CTNNA2: variants seen among roughly 807,000 people sequenced by gnomAD.
The protein encoded by CTNNA2 is catenin alpha-2.
CTNNA2 carries 42 observed loss-of-function variants against 101.0 expected under a neutral mutation model. The ratio of observed to expected loss-of-function variants is 0.42; its 90% CI spans 0.32 to 0.54. The LOEUF is 0.54. Among genes scored for constraint, CTNNA2 ranks in the 20% least tolerant of loss-of-function variants. CTNNA2 has a pLI of 0.14. For missense variants in CTNNA2, 871 were observed against 1,223.1 expected (o/e 0.71, Z 4.29); for synonymous variants, 450 against 456.4 (o/e 0.99, Z 0.18).
intron 4 of CTNNA2, among the ~76,000 whole-genome samples, chr2:79,467,308 A>G (rs1477045583): frequency 1.3e-5 from 2 of 152,216 alleles, no homozygotes; most frequent in South Asian, 2.1e-4. Context: ...GAAATGAAGC[A>G]AGAAGAGAAG....
intron 7 of CTNNA2, among the ~76,000 whole-genome samples, chr2:79,924,583 G>C (rs1283258245): frequency 6.6e-6 from 1 of 152,112 alleles, no homozygotes; most frequent in Non-Finnish European, 1.5e-5. Flanking sequence ...CAAGGTTTTA[G>C]ATTTCTTCCA....
intron 9 of CTNNA2, among the ~76,000 whole-genome samples, chr2:80,488,351 T>A (rs2149512727): frequency 6.6e-6 from 1 of 152,272 alleles, no homozygotes; most frequent in African/African-American, 2.4e-5. Context: ...TAATAGGGTA[T>A]ATGTCTGTTC....
At chr2:79,800,493 A>G (rs981933497) in intron 3 of CTNNA2, among the ~76,000 whole-genome samples, 1 of 152,166 alleles carries the variant, frequency 6.6e-6, no homozygotes, top group African/African-American at 2.4e-5. Flanking sequence ...AAATTGAAAA[A>G]TACAGGAAAT....
At chr2:80,449,016 A>G (rs1023224690) in intron 9 of CTNNA2, among the ~76,000 whole-genome samples, 5 of 152,324 alleles carry the variant, frequency 3.3e-5, no homozygotes, top group East Asian at 1.9e-4. Context: ...GCATAGTCCT[A>G]TGTATCCCGA....
chr2:79,439,574 A>C (rs1323892540), intron 4 of CTNNA2, among the ~76,000 whole-genome samples: 1 of 152,198 alleles, frequency 6.6e-6, no homozygotes, highest in Non-Finnish European at 1.5e-5. Context: ...TTGACATGTG[A>C]ATTATATCTT....
intron 4 of CTNNA2, among the ~76,000 whole-genome samples, chr2:79,417,379 T>G (rs1029703398): frequency 6.6e-6 from 1 of 152,296 alleles, no homozygotes; most frequent in East Asian, 1.9e-4. Flanking sequence ...AGGCAAATTC[T>G]TCTTTTAAAG....
intron 3 of CTNNA2, among the ~76,000 whole-genome samples, chr2:79,747,482 A>G (rs184306973): frequency 5.3e-5 from 8 of 152,304 alleles, no homozygotes; most frequent in African/African-American, 1.9e-4. Context: ...TATTCATAGT[A>G]GAGAGTGGTT....
intron 7 of CTNNA2, among the ~76,000 whole-genome samples, chr2:80,182,339 C>T (rs1705837671): frequency 6.6e-6 from 1 of 152,168 alleles, no homozygotes; most frequent in Non-Finnish European, 1.5e-5. Context: ...CAGTCTAGTC[C>T]TTCCACATTC....
chr2:79,603,644 C>G (rs1488590321), intron 1 of CTNNA2, among the ~76,000 whole-genome samples: 2 of 152,142 alleles, frequency 1.3e-5, no homozygotes, highest in Non-Finnish European at 2.9e-5. Flanking sequence ...ACATATTAAA[C>G]TAACTGATAA....
At chr2:79,605,306 GA>G (rs546127141) in intron 1 of CTNNA2, among the ~76,000 whole-genome samples, 1 of 151,708 alleles carries the variant, frequency 6.6e-6, no homozygotes, top group Admixed American at 6.6e-5. Flanking sequence ...TGATGGAGCA[GA>G]AAAAAAATCC....
chr2:79,825,463 G>C (rs567423614), intron 3 of CTNNA2, among the ~76,000 whole-genome samples: 107 of 151,046 alleles, frequency 7.1e-4, no homozygotes, highest in Non-Finnish European at 1.3e-3. Flanking sequence ...GAGGTTGCGA[G>C]GGGAAAAAAA....
intron 11 of CTNNA2, among the ~76,000 whole-genome samples, chr2:80,552,607 A>G (rs1053589837): frequency 5.3e-5 from 8 of 151,938 alleles, no homozygotes; most frequent in African/African-American, 1.7e-4. Context: ...TCGTTGGGCA[A>G]TTTCATCACT....
At chr2:80,589,214 C>G in intron 14 of CTNNA2, 90 bp from the exon 15 acceptor site, 1 of 1,320,418 alleles carries the variant, frequency 7.6e-7, no homozygotes, top group Non-Finnish European at 1.1e-6. Context: ...TTTGCAGGGT[C>G]TGGCTCTGCC....
chr2:79,578,061 T>C (rs1173767064), intron 1 of CTNNA2, among the ~76,000 whole-genome samples: 3 of 152,164 alleles, frequency 2.0e-5, no homozygotes, highest in Non-Finnish European at 2.9e-5. Flanking sequence ...TTATGTGGAA[T>C]AGTGGGCACA....
intron 6 of CTNNA2, among the ~76,000 whole-genome samples, chr2:79,887,429 C>T (rs775334219): frequency 2.6e-5 from 4 of 152,138 alleles, no homozygotes; most frequent in Admixed American, 6.6e-5. Context: ...TGAGAAATTT[C>T]AGTCATTTTT....
chr2:79,680,429 T>C (rs1366914877), intron 2 of CTNNA2, among the ~76,000 whole-genome samples: 1 of 152,114 alleles, frequency 6.6e-6, no homozygotes, highest in Non-Finnish European at 1.5e-5. Flanking sequence ...TTCTTATCTC[T>C]TTTCTCACAT....
At chr2:80,490,859 T>C (rs1181258815) in intron 9 of CTNNA2, among the ~76,000 whole-genome samples, 1 of 152,172 alleles carries the variant, frequency 6.6e-6, no homozygotes, top group Non-Finnish European at 1.5e-5. Context: ...ACTAGAAATA[T>C]ATTTATTTGG....
intron 2 of CTNNA2, among the ~76,000 whole-genome samples, chr2:79,701,925 C>T (rs1157608105): frequency 1.4e-5 from 2 of 147,418 alleles, no homozygotes; most frequent in African/African-American, 2.5e-5. Flanking sequence ...TTTCTTGAAT[C>T]CGGGAGATGG....
intron 9 of CTNNA2, among the ~76,000 whole-genome samples, chr2:80,512,982 A>G (rs952231584): frequency 6.6e-6 from 1 of 152,036 alleles, no homozygotes; most frequent in Non-Finnish European, 1.5e-5. Flanking sequence ...CAGAATATAT[A>G]GATTTGAGCT....
Sources: allele counts gnomAD v4.1 joint callset (sites outside exome capture counted in the v4.1 genomes callset), GRCh38; gene constraint gnomAD v4.1.1; transcripts MANE v1.5; gene names NCBI Gene and HGNC (gene_info 2026-07-23, HGNC 2026-07-21).